The following SNTG2 variants were observed in gnomAD, a reference collection of about 807,000 sequenced individuals.
SNTG2 encodes the protein gamma-2-syntrophin.
In SNTG2, 74 loss-of-function variants were observed where a neutral mutation model predicts 70.9. That is an observed-to-expected ratio of 1.04 (90% confidence interval 0.86 to 1.27). The LOEUF is 1.27. Ranked by LOEUF, SNTG2 falls within the 50% of genes most tolerant of loss-of-function variation. The pLI is 0.00. For synonymous variants in SNTG2, 278 were observed against 273.8 expected, an observed-to-expected ratio of 1.02 and a Z score of -0.15; for missense variants, 717 against 690.7, an observed-to-expected ratio of 1.04 and a Z score of -0.43.
At chr2:1,066,905 G>A (rs777600528) in intron 1 of SNTG2, among the ~76,000 whole-genome samples, 3 of 152,140 alleles carry the variant, frequency 2.0e-5, no homozygotes, top group Admixed American at 6.5e-5. Context: ...CAATGGCGTC[G>A]CTACGCTCCT....
Position 1,159,022 on chromosome 2 carries a change from A to G in SNTG2, c.412-6526A>G, listed in dbSNP as rs1047828967. Among the ~76,000 whole-genome samples, 3 of 152,140 alleles carry G rather than the reference A, an allele frequency of 2.0e-5. No individual in the cohort carries two copies. In the Middle Eastern group the frequency reaches 0.01, roughly 517 times the overall value. On this transcript the variant is annotated intron_variant, in intron 6 of 16. Coordinates refer to ENST00000308624, the MANE Select transcript of SNTG2 (RefSeq NM_018968.4). ...CTTGTGGATGTCCGTGTGTGTGTCC[A>G]TATGTGTGCATGTGTGTGCATGTAT... is the stretch of plus-strand genomic sequence containing the variant.
chr2:1,226,172 A>G (rs1675763606), intron 9 of SNTG2, among the ~76,000 whole-genome samples: 2 of 152,210 alleles, frequency 1.3e-5, no homozygotes, highest in African/African-American at 4.8e-5. Context: ...GCTTTGAGAT[A>G]GCCTGTTAGG....
chr2:1,002,488 G>A (rs1237987443), intron 1 of SNTG2, among the ~76,000 whole-genome samples: 2 of 152,000 alleles, frequency 1.3e-5, no homozygotes, highest in Non-Finnish European at 2.9e-5. Flanking sequence ...ATGGTTACAA[G>A]CATTTGAATT....
At chr2:1,140,542 A>T (rs1251482205) in intron 6 of SNTG2, among the ~76,000 whole-genome samples, 3 of 152,238 alleles carry the variant, frequency 2.0e-5, no homozygotes, top group African/African-American at 7.2e-5. Context: ...TGATGGGACC[A>T]CTGATCCCGA....
chr2:993,806 C>T (rs1661584709), intron 1 of SNTG2, among the ~76,000 whole-genome samples: 1 of 151,932 alleles, frequency 6.6e-6, no homozygotes, highest in Admixed American at 6.6e-5. Context: ...AATTATTTGC[C>T]ATTTGTATAT....
At chr2:1,189,576 T>G (rs1233864896) in intron 8 of SNTG2, among the ~76,000 whole-genome samples, 1 of 151,886 alleles carries the variant, frequency 6.6e-6, no homozygotes, top group Non-Finnish European at 1.5e-5. Flanking sequence ...TTTTTTTTTT[T>G]GAGATGGAGT....
At chr2:1,274,564 T>A (rs1469368602) in intron 14 of SNTG2, among the ~76,000 whole-genome samples, 2 of 152,218 alleles carry the variant, frequency 1.3e-5, no homozygotes, top group Non-Finnish European at 2.9e-5. Context: ...CCTAAGAACT[T>A]ACCCTTCCAC....
intron 14 of SNTG2, among the ~76,000 whole-genome samples, chr2:1,301,428 AT>A (rs1680451441): frequency 6.6e-6 from 1 of 152,230 alleles, no homozygotes; most frequent in Non-Finnish European, 1.5e-5. Flanking sequence ...CTCAAAAAAT[AT>A]TATGGCCTCA....
intron 16 of SNTG2, among the ~76,000 whole-genome samples, chr2:1,363,604 A>G (rs1661317770): frequency 6.6e-6 from 1 of 152,214 alleles, no homozygotes; most frequent in Non-Finnish European, 1.5e-5. Flanking sequence ...TGAGGAGTGC[A>G]GCGAGGGATC....
At chr2:1,114,764 C>A (rs1234993765) in intron 4 of SNTG2, among the ~76,000 whole-genome samples, 2 of 149,042 alleles carry the variant, frequency 1.3e-5, no homozygotes, top group East Asian at 4.1e-4. Context: ...AACCCTTATA[C>A]TCCTTTGAGA....
At chr2:1,179,405 A>T (rs1458639044) in intron 8 of SNTG2, among the ~76,000 whole-genome samples, 1 of 152,204 alleles carries the variant, frequency 6.6e-6, no homozygotes, top group Non-Finnish European at 1.5e-5. Context: ...AATCACAAGC[A>T]TTCTTATACA....
At chr2:1,322,874 C>T (rs1374879501) in intron 16 of SNTG2, among the ~76,000 whole-genome samples, 3 of 152,088 alleles carry the variant, frequency 2.0e-5, no homozygotes, top group Admixed American at 2.0e-4. Context: ...ATATCCCACC[C>T]TCCACCTTTT....
intron 6 of SNTG2, chr2:1,160,479 TC>T (rs1182003603): frequency 2.0e-5 from 3 of 152,226 alleles, no homozygotes; most frequent in African/African-American, 7.2e-5. Context: ...GTTGTGCTCT[TC>T]TCTGCTCCCC....
rs542453338 is a variant in SNTG2, at chr2:1,249,916, C to G, written c.1005+2473C>G. Among the ~76,000 whole-genome samples the G allele has an allele frequency of 4.6e-5, 7 of 152,238 alleles. No individual in the cohort carries two copies. In the South Asian group the frequency reaches 1.5e-3, roughly 32 times the overall value. ...CGGGCAGTGCAGCATTTGCAAGGGA[C>G]AGAGAATCATTTCCTGGGGGTCTGA... On this transcript the variant is annotated intron_variant, in intron 12 of 16. Coordinates refer to ENST00000308624, the MANE Select transcript of SNTG2 (RefSeq NM_018968.4).
At chr2:1,018,853 C>T (rs1393099156) in intron 1 of SNTG2, among the ~76,000 whole-genome samples, 1 of 152,214 alleles carries the variant, frequency 6.6e-6, no homozygotes, top group Non-Finnish European at 1.5e-5. Flanking sequence ...CCCCTGTTGG[C>T]TCTCAGCAGG....
intron 1 of SNTG2, among the ~76,000 whole-genome samples, chr2:1,034,107 A>ATT (rs59277775): frequency 1.3e-5 from 2 of 151,588 alleles, no homozygotes; most frequent in Non-Finnish European, 2.9e-5. Context: ...ATCCAGTAGC[A>ATT]TTTTTTTTCT....
intron 4 of SNTG2, among the ~76,000 whole-genome samples, chr2:1,132,576 C>T (rs944768839): frequency 1.3e-5 from 2 of 152,082 alleles, no homozygotes; most frequent in African/African-American, 2.4e-5. Flanking sequence ...AAGTAAACCT[C>T]GATTCTGTTT....
chr2:1,212,157 G>C (rs1674088450), intron 9 of SNTG2, among the ~76,000 whole-genome samples: 1 of 152,090 alleles, frequency 6.6e-6, no homozygotes, highest in African/African-American at 2.4e-5. Flanking sequence ...TTAGATCATG[G>C]GGCAGATTCT....
chr2:988,556 C>A (rs1661400259), intron 1 of SNTG2, among the ~76,000 whole-genome samples: 1 of 152,154 alleles, frequency 6.6e-6, no homozygotes, highest in African/African-American at 2.4e-5. Context: ...GTCTGCTCAG[C>A]CTTCATCTGT....
Sources: allele counts gnomAD v4.1 joint callset (sites outside exome capture counted in the v4.1 genomes callset), GRCh38; gene constraint gnomAD v4.1.1; transcripts MANE v1.5; gene names NCBI Gene and HGNC (gene_info 2026-07-23, HGNC 2026-07-21).